The following TAS2R1 variants were observed in gnomAD, a reference collection of about 807,000 sequenced individuals.
The protein encoded by TAS2R1 is taste receptor type 2 member 1.
For missense variants in TAS2R1, 370 were observed against 353.4 expected (o/e 1.05, Z -0.38); for synonymous variants, 141 against 134.2 (o/e 1.05, Z -0.35).
chr5:9,655,342 C>T (rs1180748220), intron 2 of TAS2R1, among the ~76,000 whole-genome samples: 1 of 151,990 alleles, frequency 6.6e-6, no homozygotes, highest in African/African-American at 2.4e-5. Context: ...AAGGAAAAGA[C>T]TGACAAATAT....
chr5:9,850,946 G>T, the TAS2R1 span, among the ~76,000 whole-genome samples: 150 of 152,322 alleles, frequency 9.8e-4, no homozygotes, highest in African/African-American at 3.5e-3. Flanking sequence ...AGAGCTGAAA[G>T]AGAACATTCT....
chr5:9,864,617 G>C, the TAS2R1 span, among the ~76,000 whole-genome samples: 2 of 147,232 alleles, frequency 1.4e-5, no homozygotes, highest in Non-Finnish European at 3.0e-5. Context: ...TGGGTGACAA[G>C]AGCTAGACTC....
chr5:9,870,119 G>A, the TAS2R1 span: 1 of 152,120 alleles, frequency 6.6e-6, no homozygotes, highest in African/African-American at 2.4e-5. Flanking sequence ...CTCTTCCTCT[G>A]ACTCCCTTGC....
the TAS2R1 span, among the ~76,000 whole-genome samples, chr5:9,729,472 T>C: frequency 0.021 from 3,160 of 152,256 alleles, 102 homozygotes; most frequent in African/African-American, 0.069. Context: ...CTAAGGTCCC[T>C]ATTTATTCTT....
At chr5:9,700,579 A>C (rs1741459639) in intron 1 of TAS2R1, among the ~76,000 whole-genome samples, 1 of 152,146 alleles carries the variant, frequency 6.6e-6, no homozygotes, top group Admixed American at 6.6e-5. Flanking sequence ...ATCACTCAGG[A>C]GCGTTGGGAT....
At chr5:9,663,319 T>C (rs923811745) in intron 1 of TAS2R1, among the ~76,000 whole-genome samples, 1 of 152,148 alleles carries the variant, frequency 6.6e-6, no homozygotes, top group Non-Finnish European at 1.5e-5. Flanking sequence ...AAAACTGAAA[T>C]CAAAGTAGAA....
At chr5:9,720,269 G>GA in the TAS2R1 span, among the ~76,000 whole-genome samples, 1 of 152,190 alleles carries the variant, frequency 6.6e-6, no homozygotes, top group Non-Finnish European at 1.5e-5. Context: ...GTGGATCTGC[G>GA]GGTTGTAGAA....
chr5:9,826,851 C>A, the TAS2R1 span, among the ~76,000 whole-genome samples: 250 of 152,258 alleles, frequency 1.6e-3, no homozygotes, highest in African/African-American at 5.7e-3. Context: ...GATCCACACC[C>A]CTTGATTTTC....
the TAS2R1 span, among the ~76,000 whole-genome samples, chr5:9,771,377 A>G: frequency 6.6e-6 from 1 of 152,186 alleles, no homozygotes; most frequent in Admixed American, 6.5e-5. Context: ...ATCCTTGATT[A>G]TGATGAATTA....
chr5:9,782,466 C>T, the TAS2R1 span, among the ~76,000 whole-genome samples: 13 of 11,276 alleles, frequency 1.2e-3, no homozygotes, highest in East Asian at 0.01. Context: ...TGGGGCGGGG[C>T]GGGGCTGGGG....
At chr5:9,815,819 CTA>C in the TAS2R1 span, among the ~76,000 whole-genome samples, 2 of 152,132 alleles carry the variant, frequency 1.3e-5, no homozygotes, top group African/African-American at 4.8e-5. Context: ...AGTATTCAAA[CTA>C]AAAACAAAAC....
At chr5:9,703,464 T>G (rs375497745) in intron 1 of TAS2R1, among the ~76,000 whole-genome samples, 89 of 152,190 alleles carry the variant, frequency 5.8e-4, no homozygotes, top group African/African-American at 1.8e-3. Flanking sequence ...TAGAGCGTCA[T>G]GAGGGCACCC....
chr5:9,765,619 C>T, the TAS2R1 span: 1 of 152,176 alleles, frequency 6.6e-6, no homozygotes, highest in Non-Finnish European at 1.5e-5. Flanking sequence ...CTGGAAGATG[C>T]CTTCCAGTGC....
chr5:9,894,270 G>A, the TAS2R1 span, among the ~76,000 whole-genome samples: 1 of 152,126 alleles, frequency 6.6e-6, no homozygotes, highest in African/African-American at 2.4e-5. Flanking sequence ...CAGCCGTGGT[G>A]GTGTGTGCCT....
At chr5:9,705,109 G>T (rs964984483) in intron 1 of TAS2R1, among the ~76,000 whole-genome samples, 2 of 152,088 alleles carry the variant, frequency 1.3e-5, no homozygotes, top group African/African-American at 4.8e-5. Context: ...GTCTTAGGCT[G>T]AAACTTCACA....
chr5:9,699,530 C>G (rs1741434005), intron 1 of TAS2R1, among the ~76,000 whole-genome samples: 1 of 152,102 alleles, frequency 6.6e-6, no homozygotes, highest in South Asian at 2.1e-4. Context: ...ATTCTGTCAC[C>G]AAAACTCATG....
chr5:9,840,857 A>ATTTAT, the TAS2R1 span, among the ~76,000 whole-genome samples: 2 of 132,102 alleles, frequency 1.5e-5, no homozygotes, highest in African/African-American at 5.6e-5. Context: ...TTATTTATTT[A>ATTTAT]TTTTTTTTTT....
chr5:9,681,313 G>A (rs867318426), intron 1 of TAS2R1, among the ~76,000 whole-genome samples: 22 of 151,582 alleles, frequency 1.5e-4, no homozygotes, highest in African/African-American at 4.8e-4. Context: ...CTGTAATATC[G>A]TCTAAATGAT....
At chr5:9,815,949 T>A in the TAS2R1 span, among the ~76,000 whole-genome samples, 2 of 152,142 alleles carry the variant, frequency 1.3e-5, no homozygotes, top group Non-Finnish European at 2.9e-5. Context: ...GAAACAGGCA[T>A]TTTTATCCTT....
Sources: allele counts gnomAD v4.1 joint callset (sites outside exome capture counted in the v4.1 genomes callset), GRCh38; gene constraint gnomAD v4.1.1; transcripts MANE v1.5; gene names NCBI Gene and HGNC (gene_info 2026-07-23, HGNC 2026-07-21).